The following FBLN7 variants were observed in gnomAD, a reference collection of about 807,000 sequenced individuals.
FBLN7 encodes fibulin 7.
In FBLN7, 31 loss-of-function variants were observed where a neutral mutation model predicts 44.0. That is an observed-to-expected ratio of 0.70 (90% CI 0.53 to 0.95). FBLN7 has a LOEUF of 0.95. Among genes scored for constraint, FBLN7 ranks in the 40% least tolerant of loss-of-function variants. The pLI is 0.00. For missense variants in FBLN7, 573 were observed against 618.5 expected, an observed-to-expected ratio of 0.93 and a Z score of 0.78; for synonymous variants, 262 against 253.4, an observed-to-expected ratio of 1.03 and a Z score of -0.32.
At chr2:112,198,280 C>A in the FBLN7 span, among the ~76,000 whole-genome samples, 1 of 152,094 alleles carries the variant, frequency 6.6e-6, no homozygotes, top group African/African-American at 2.4e-5. Flanking sequence ...CCAAGTAGGG[C>A]TTTTGGGAGG....
chr2:112,160,813 CGCACACACAA>C (rs1681814589), intron 2 of FBLN7, among the ~76,000 whole-genome samples: 1 of 147,454 alleles, frequency 6.8e-6, no homozygotes, highest in Non-Finnish European at 1.5e-5. Flanking sequence ...CGCACACACA[CGCACACACAA>C]GCACGCATAC....
intron 2 of FBLN7, 144 bp from the exon 3 acceptor site, chr2:112,164,857 C>T (rs752975697): frequency 3.1e-5 from 27 of 857,998 alleles, no homozygotes; most frequent in African/African-American, 1.7e-4. Flanking sequence ...TGAGACGCAG[C>T]ATGCAGAATG....
At chr2:112,230,952 T>A in the FBLN7 span, 1 of 1,246,396 alleles carries the variant, frequency 8.0e-7, no homozygotes. Flanking sequence ...ATCCAAAACC[T>A]AATATAAAAA....
At chr2:112,175,594 G>A in intron 3 of FBLN7, 120 bp from the exon 4 acceptor site, 1 of 1,311,638 alleles carries the variant, frequency 7.6e-7, no homozygotes, top group Non-Finnish European at 1.1e-6. Context: ...GGTGGGGTCA[G>A]GTAGAAAGTG....
chr2:112,158,560 C>T (rs376085716), intron 1 of FBLN7, among the ~76,000 whole-genome samples: 252 of 152,130 alleles, frequency 1.7e-3, no homozygotes, highest in African/African-American at 5.4e-3. Flanking sequence ...CTCAGCCTCC[C>T]GAGTAGCTGG....
chr2:112,182,968 T>A (rs1321158734), intron 6 of FBLN7, 40 bp downstream of exon 6: 1 of 1,603,942 alleles, frequency 6.2e-7, no homozygotes, highest in African/African-American at 1.3e-5. Flanking sequence ...CCCAGCCACC[T>A]GCTGCTGTGC....
the FBLN7 span, among the ~76,000 whole-genome samples, chr2:112,243,455 G>A: frequency 4.6e-5 from 7 of 152,090 alleles, no homozygotes; most frequent in African/African-American, 9.7e-5. Context: ...CATCTGTAGC[G>A]AAAAGACATT....
chr2:112,230,969 C>A, the FBLN7 span: 2 of 1,208,760 alleles, frequency 1.7e-6, no homozygotes, highest in Non-Finnish European at 2.2e-6. Context: ...AAAAAAAAAT[C>A]ACATAATCAT....
intron 1 of FBLN7, chr2:112,152,669 C>T (rs898586038): frequency 9.9e-5 from 15 of 152,150 alleles, no homozygotes; most frequent in African/African-American, 3.4e-4. Flanking sequence ...ATGCAAAAGA[C>T]TGAGGTCCCC....
intron 1 of FBLN7, among the ~76,000 whole-genome samples, chr2:112,149,887 G>GT (rs1398056378): frequency 6.6e-6 from 1 of 152,228 alleles, no homozygotes; most frequent in African/African-American, 2.4e-5. Context: ...AGGAAAATGT[G>GT]TTCCTCTCTG....
At chr2:112,145,836 G>A (rs190936763) in intron 1 of FBLN7, among the ~76,000 whole-genome samples, 11 of 152,248 alleles carry the variant, frequency 7.2e-5, no homozygotes, top group South Asian at 4.1e-4. Flanking sequence ...GTCAAAAATC[G>A]TTCATCATAC....
the FBLN7 span, among the ~76,000 whole-genome samples, chr2:112,202,373 A>C: frequency 1.3e-5 from 2 of 151,874 alleles, no homozygotes; most frequent in African/African-American, 4.8e-5. Flanking sequence ...ATACGTATAT[A>C]GTTCTATTTA....
chr2:112,221,858 G>A, the FBLN7 span, among the ~76,000 whole-genome samples: 2 of 151,982 alleles, frequency 1.3e-5, no homozygotes, highest in African/African-American at 2.4e-5. Flanking sequence ...AATTCTATTT[G>A]TAACATTTCA....
chr2:112,194,719 T>G, the FBLN7 span, among the ~76,000 whole-genome samples: 1 of 152,234 alleles, frequency 6.6e-6, no homozygotes, highest in Non-Finnish European at 1.5e-5. Flanking sequence ...GGTTTCCTGT[T>G]TGGGTTTCCA....
At chr2:112,225,133 TGA>T in the FBLN7 span, among the ~76,000 whole-genome samples, 3 of 152,232 alleles carry the variant, frequency 2.0e-5, no homozygotes, top group African/African-American at 7.2e-5. Context: ...TCTTGTTTCC[TGA>T]GACTTTGCTG....
rs193202638 is a variant in FBLN7 at position 112,186,415 on chromosome 2, G to A, written c.948-719G>A. ...AGCACTCTGGGAGGCCGAGGAGGGC[G>A]GATCCCTTGAGATCAGGAGTTCGAG... On this transcript the variant is annotated intron_variant, in intron 7 of 7. Transcript: ENST00000331203. Among the ~76,000 whole-genome samples, 607 of 152,240 alleles carry A rather than the reference G, an allele frequency of 4.0e-3. 4 individuals are homozygous for A. Among genetic ancestry groups the A allele is most frequent in the South Asian group, 8.1e-3 (39 of 4,822 alleles).
chr2:112,226,160 A>G, the FBLN7 span, among the ~76,000 whole-genome samples: 1 of 152,178 alleles, frequency 6.6e-6, no homozygotes, highest in East Asian at 1.9e-4. Context: ...TTACGCCAAC[A>G]AAGTAGACAA....
At chr2:112,150,730 AATAGACATTCCCATCTC>A (rs1190641412) in intron 1 of FBLN7, among the ~76,000 whole-genome samples, 1 of 152,180 alleles carries the variant, frequency 6.6e-6, no homozygotes, top group Non-Finnish European at 1.5e-5. Flanking sequence ...CAGTGGAGAT[AATAGACATTCCCATCTC>A]ATGGGGTCAT....
chr2:112,233,144 G>T, the FBLN7 span: 1 of 608,872 alleles, frequency 1.6e-6, no homozygotes, highest in Non-Finnish European at 2.8e-6. Context: ...TACTAAGTTG[G>T]GCTTGGATAA....
Sources: allele counts gnomAD v4.1 joint callset (sites outside exome capture counted in the v4.1 genomes callset), GRCh38; gene constraint gnomAD v4.1.1; transcripts MANE v1.5; gene names NCBI Gene and HGNC (gene_info 2026-07-23, HGNC 2026-07-21).